EIF2B1: variants seen among roughly 807,000 people sequenced by gnomAD.
EIF2B1 encodes the protein translation initiation factor eIF2B subunit alpha.
Under a neutral mutation model 36.8 loss-of-function variants are expected in EIF2B1, and 30 were observed. That is an observed-to-expected ratio of 0.81 (90% CI 0.61 to 1.10). The LOEUF (loss-of-function observed/expected upper bound fraction) is 1.10, where lower values mean the gene tolerates loss of function less well. EIF2B1 is among the 50% of genes least tolerant of loss of function. The pLI is 0.00. For missense variants in EIF2B1, 271 were observed against 374.8 expected (o/e 0.72, Z 2.29); for synonymous variants, 139 against 142.2 (o/e 0.98, Z 0.16).
At chr12:123,629,357 G>C (rs781524164) in intron 4 of EIF2B1, among the ~76,000 whole-genome samples, 4 of 152,172 alleles carry the variant, frequency 2.6e-5, no homozygotes, top group Non-Finnish European at 5.9e-5. Context: ...AAGTTAAAAA[G>C]AAAATTTCCC....
intron 4 of EIF2B1, chr12:123,629,922 C>G (rs1225172813): frequency 1.7e-6 from 1 of 579,212 alleles, no homozygotes; most frequent in Non-Finnish European, 3.1e-6. Context: ...TTACTAAGTG[C>G]CAGGCACAAT....
chr12:123,633,563 C>T lies in EIF2B1; in HGVS notation c.-6G>A. ...GATTTACCCTTGTCGTCCATGGCGT[C>T]CTCCTGCTGCGGAGCCCCAGGGGAC... On this transcript the variant is annotated 5_prime_UTR_variant, in exon 1 of 9. Transcript: ENST00000424014. The T allele has an allele frequency of 1.2e-6, 2 of 1,611,724 alleles. No homozygotes were observed. The highest frequency in any genetic ancestry group is 8.5e-7 in the Non-Finnish European group (1 of 1,180,016).
At chr12:123,632,285 A>T in intron 2 of EIF2B1, 60 bp downstream of exon 2, 1 of 969,430 alleles carries the variant, frequency 1.0e-6, no homozygotes, top group Non-Finnish European at 1.5e-6. Flanking sequence ...AAAAAAAAAA[A>T]GAAAAGAAAA....
chr12:123,624,786 C>T lies in EIF2B1; in HGVS notation c.627+1G>A, dbSNP rs1955135708. 2 of 1,613,560 alleles carry T rather than the reference C, an allele frequency of 1.2e-6. No individual in the cohort carries two copies. Among genetic ancestry groups the T allele is most frequent in the African/African-American group, 2.7e-5 (2 of 74,896 alleles). ...GAACTGGGGAGAACTGATGCTCTTA[C>T]CTTGTTAATAATTCCTCCGTTTTCA... On this transcript the variant is annotated splice_donor_variant, in intron 7 of 8. Transcript: ENST00000424014. LOFTEE classifies it high-confidence loss of function.
At position 123,626,461 on chromosome 12, in the gene EIF2B1, T is replaced by C. The variant is rs753480441; in HGVS notation, c.515A>G (p.Asn172Ser). ...KKMAKALCHL[N>S]VPVTVVLDAA... ...ATCTAGCACCACAGTGACAGGGACG[T>C]TGAGGTGGCAGAGGGCTTTGGCCAT... Residue 172 changes from asparagine (N) to serine (S), a missense_variant, in exon 6 of 9, where the codon AAC becomes AGC. Physicochemically the swap from Asn to Ser is conservative, Grantham distance 46. Transcript: ENST00000424014. 10 of 1,613,972 alleles carry C rather than the reference T, an allele frequency of 6.2e-6. No individual in the cohort carries two copies. Among genetic ancestry groups the C allele is most frequent in the South Asian group, 2.2e-5 (2 of 91,072 alleles).
In EIF2B1 at chr12:123,620,629, A is replaced by AT. The variant is rs1566211855; in HGVS notation, c.*1126_*1127insA. 1.6e-5 allele frequency: 1 copy of AT among 60,826 alleles called. No homozygotes were observed. Among genetic ancestry groups the AT allele is most frequent in the Non-Finnish European group, 3.4e-5 (1 of 29,202 alleles). 3.8% of individuals were successfully genotyped at this position (60,826 alleles called of 1,614,324 possible). On this transcript the variant is annotated 3_prime_UTR_variant, in exon 9 of 9. Coordinates refer to ENST00000424014, the MANE Select transcript of EIF2B1 (RefSeq NM_001414.4). ...ATATATATATATATATATATATATA[A>AT]GCTCTTTTTTCTGAGGCTATTTTAT...
Position 123,630,720 on chromosome 12 carries a change from G to A in EIF2B1, c.116-187C>T, listed in dbSNP as rs1955181287. Among the ~76,000 whole-genome samples the A allele has an allele frequency of 6.6e-6, 1 of 152,224 alleles. No homozygotes were observed. The highest frequency in any genetic ancestry group is 1.5e-5 in the Non-Finnish European group (1 of 68,038). ...GTTCTGCTGTGATGGAGTTTTGATT[G>A]TAATAGAGGAAGCGGATAGTAAACA... On this transcript the variant is annotated intron_variant, in intron 2 of 8. Coordinates refer to ENST00000424014, the MANE Select transcript of EIF2B1 (RefSeq NM_001414.4). The surrounding 1 kb of genome is among the most constrained non-coding windows in gnomAD (Gnocchi z 4.6).
intron 6 of EIF2B1, among the ~76,000 whole-genome samples, chr12:123,625,764 G>C (rs569159521): frequency 7.9e-5 from 12 of 152,284 alleles, no homozygotes; most frequent in African/African-American, 2.6e-4. Flanking sequence ...AGGACAGCCA[G>C]GTCTTCACAG....
At chr12:123,629,414 TA>T (rs1321621736) in intron 4 of EIF2B1, among the ~76,000 whole-genome samples, 13 of 152,218 alleles carry the variant, frequency 8.5e-5, no homozygotes, top group African/African-American at 2.9e-4. Context: ...TCCTCAGTGT[TA>T]ACCAGTGACA....
rs947821464 is a variant in EIF2B1 at position 123,624,829 on chromosome 12, A to G, written c.585T>C (p.Val195=). ...YIMEKADLVI[V]GAEGVVENGG... ...CGTTTTCAACAACTCCTTCAGCACC[A>G]ACTATGACAAGATCTGCTTTCTCCA... Residue 195 remains valine, a synonymous_variant, in exon 7 of 9, where the codon GTT becomes GTC. Transcript: ENST00000424014. 3 of 1,614,098 alleles carry G rather than the reference A, an allele frequency of 1.9e-6. No individual in the cohort carries two copies. The highest frequency in any genetic ancestry group is 2.2e-5 in the East Asian group (1 of 44,872).
In EIF2B1 at chr12:123,624,866, A is replaced by C; in HGVS notation, c.552-4T>G. The C allele has an allele frequency of 6.2e-7, 1 of 1,613,930 alleles. No homozygotes were observed. On this transcript the variant is annotated splice_region_variant and splice_polypyrimidine_tract_variant and intron_variant, in intron 6 of 8. Transcript: ENST00000424014. ...ATCTGCTTTCTCCATGATGTAGCTAAGGGGAAAAAAAGCTTTTCATGCTTT... is the reference window on the plus strand; with the variant it reads ...ATCTGCTTTCTCCATGATGTAGCTACGGGGAAAAAAAGCTTTTCATGCTTT...
rs1052810183 is a variant in EIF2B1, at chr12:123,621,076, T to A, written c.*680A>T. On this transcript the variant is annotated 3_prime_UTR_variant, in exon 9 of 9. Transcript: ENST00000424014. ...AAGATGCTGAATTTATTCCCAAGTA[T>A]AATTTTAAAAAGCTGTTTAGGACCC... The A allele has an allele frequency of 6.5e-6, 1 of 154,518 alleles. No homozygotes were observed. Among genetic ancestry groups the A allele is most frequent in the Non-Finnish European group, 1.4e-5 (1 of 69,680 alleles). The allele number at this position is 154,518 out of a possible 1,614,324, so 9.6% of individuals were successfully genotyped here. A position where few individuals can be genotyped will look rare whatever the true frequency, so the allele number is the denominator to read the frequency against.
Position 123,630,402 on chromosome 12 carries a change from A to AC in EIF2B1, c.246_247insG (p.Tyr83ValfsTer8). ...CAGGGAGAACAGGCACTTACGGAGT[A>AC]TTCCAGGGAGGCAAGACTGATGAAG... is the stretch of plus-strand genomic sequence containing the variant. On this transcript the variant is annotated frameshift_variant, in exon 3 of 9. Transcript: ENST00000424014. LOFTEE classifies it high-confidence loss of function. This position sits in a 1 kb window ranked among gnomAD's most constrained non-coding sequence, Gnocchi z 4.6. 6.2e-7 allele frequency: 1 copy of AC among 1,614,204 alleles called. No individual in the cohort carries two copies. Among genetic ancestry groups the AC allele is most frequent in the Non-Finnish European group, 8.5e-7 (1 of 1,180,036 alleles).
At chr12:123,632,669 G>A (rs1955205122) in intron 1 of EIF2B1, among the ~76,000 whole-genome samples, 1 of 152,066 alleles carries the variant, frequency 6.6e-6, no homozygotes. Context: ...ACTGGTGGCC[G>A]GGCGCGGTGG....
At chr12:123,625,160 ATCCTC>A (rs1955138920) in intron 6 of EIF2B1, among the ~76,000 whole-genome samples, 1 of 152,204 alleles carries the variant, frequency 6.6e-6, no homozygotes, top group African/African-American at 2.4e-5. Flanking sequence ...CAAGTGTGGT[ATCCTC>A]TACTTTCTTT....
rs1250251932 is a variant in EIF2B1, at chr12:123,620,627, T to TATATATATATATATATATAA, written c.*1128_*1129insTTATATATATATATATATAT. On this transcript the variant is annotated 3_prime_UTR_variant, in exon 9 of 9. Coordinates refer to ENST00000424014, the MANE Select transcript of EIF2B1 (RefSeq NM_001414.4). ...ATATATATATATATATATATATATATAAGCTCTTTTTTCTGAGGCTATTTT... is the reference window on the plus strand; with the variant it reads ...ATATATATATATATATATATATATATATATATATATATATATATAAAAGCTCTTTTTTCTGAGGCTATTTT... The TATATATATATATATATATAA allele has an allele frequency of 1.0e-5, 1 of 99,808 alleles. No individual in the cohort carries two copies. Among genetic ancestry groups the TATATATATATATATATATAA allele is most frequent in the Non-Finnish European group, 2.1e-5 (1 of 46,680 alleles). The allele number at this position is 99,808 out of a possible 1,614,324, so 6.2% of individuals were successfully genotyped here.
At position 123,630,665 on chromosome 12, in the gene EIF2B1, A is replaced by C; in HGVS notation, c.116-132T>G. ...TATACCAGGCACTATTCTAGATGCT[A>C]GGGATACATCAGTGAACAAGACAGG... On this transcript the variant is annotated intron_variant, in intron 2 of 8. Coordinates refer to ENST00000424014, the MANE Select transcript of EIF2B1 (RefSeq NM_001414.4). This position sits in a 1 kb window ranked among gnomAD's most constrained non-coding sequence, Gnocchi z 4.6. The C allele has an allele frequency of 7.9e-7, 1 of 1,268,946 alleles. No individual in the cohort carries two copies. The highest frequency in any genetic ancestry group is 2.4e-5 in the East Asian group (1 of 41,798). The allele number at this position is 1,268,946 out of a possible 1,614,324, so 78.6% of individuals were successfully genotyped here. A position where few individuals can be genotyped will look rare whatever the true frequency, so the allele number is the denominator to read the frequency against.
chr12:123,632,317 G>A, intron 2 of EIF2B1, 28 bp downstream of exon 2: 1 of 1,357,624 alleles, frequency 7.4e-7, no homozygotes, highest in South Asian at 1.2e-5. Flanking sequence ...CTAAGTCCCA[G>A]AGTGTTAACA....
chr12:123,624,910 AG>A lies in EIF2B1; in HGVS notation c.552-49del, dbSNP rs767065497. On this transcript the variant is annotated intron_variant, in intron 6 of 8. Coordinates refer to ENST00000424014, the MANE Select transcript of EIF2B1 (RefSeq NM_001414.4). ...ATGCTTTATTTTCTTGGCTCTAACG[AG>A]TAGCATCATCATCTGCAAAGATCAA... is the stretch of plus-strand genomic sequence containing the variant. 2.7e-5 allele frequency: 41 copies of A among 1,496,502 alleles called. No individual in the cohort carries two copies. In the African/African-American group the frequency reaches 5.5e-4, roughly 20 times the overall value. The allele number at this position is 1,496,502 out of a possible 1,614,324, so 92.7% of individuals were successfully genotyped here. A position where few individuals can be genotyped will look rare whatever the true frequency, so the allele number is the denominator to read the frequency against.
Sources: allele counts gnomAD v4.1 joint callset (sites outside exome capture counted in the v4.1 genomes callset), GRCh38; gene constraint gnomAD v4.1.1; non-coding constraint Gnocchi (gnomAD v3.1); transcripts MANE v1.5; gene names NCBI Gene and HGNC (gene_info 2026-07-23, HGNC 2026-07-21).